The following PCBP2 variants were observed in gnomAD, a reference collection of about 807,000 sequenced individuals.
PCBP2 encodes poly(rC) binding protein 2.
A neutral mutation model predicts 50.1 loss-of-function variants in PCBP2; 4 were observed. The ratio of observed to expected loss-of-function variants is 0.08; its 90% CI spans 0.04 to 0.18. The LOEUF is 0.18. Ranked by LOEUF, PCBP2 falls within the 10% of genes least tolerant of loss-of-function variation. PCBP2 has a pLI of 1.00. For synonymous variants in PCBP2, 179 were observed against 168.0 expected (o/e 1.07, Z -0.51); for missense variants, 161 against 474.3 (o/e 0.34, Z 6.14).
chr12:53,455,813 A>G, intron 4 of PCBP2, 72 bp from the exon 5 acceptor site: 1 of 1,009,594 alleles, frequency 9.9e-7, no homozygotes, highest in African/African-American at 1.6e-5. Context: ...CAGTCTTATA[A>G]GGGACTGTAG....
At chr12:53,459,673 C>A in intron 6 of PCBP2, 1 of 250,848 alleles carries the variant, frequency 4.0e-6, no homozygotes, top group South Asian at 4.5e-5. Context: ...GGCAACTTTT[C>A]CATGAGGCTA....
intron 7 of PCBP2, among the ~76,000 whole-genome samples, chr12:53,461,801 T>C (rs1257653482): frequency 1.3e-5 from 2 of 152,116 alleles, no homozygotes; most frequent in Non-Finnish European, 2.9e-5. Context: ...CCTCTGCCTA[T>C]CAGGCTTAAG....
rs1425748220 is a variant in PCBP2, at chr12:53,471,823, C to G, written c.1052+16C>G. On this transcript the variant is annotated intron_variant, in intron 14 of 14. Coordinates refer to ENST00000546463, the MANE Select transcript of PCBP2 (RefSeq NM_031989.5). ...TCAATGTCAGGTAAGATTGCTCTAC[C>G]TTTTGTCTTATTTATGCCAACACAG... The G allele has an allele frequency of 6.2e-7, 1 of 1,605,924 alleles. No homozygotes were observed. The highest frequency in any genetic ancestry group is 1.7e-5 in the Admixed American group (1 of 59,504).
At chr12:53,454,645 A>G (rs1000006052) in intron 1 of PCBP2, 81 bp from the exon 2 acceptor site, 1 of 642,862 alleles carries the variant, frequency 1.6e-6, no homozygotes, top group South Asian at 1.8e-5. Flanking sequence ...AAAGTAGAAA[A>G]TATTGATAAG....
chr12:53,478,986 C>T (rs1049910095), intron 14 of PCBP2, among the ~76,000 whole-genome samples: 3 of 152,058 alleles, frequency 2.0e-5, no homozygotes, highest in African/African-American at 7.2e-5. Flanking sequence ...CTTGAGACTA[C>T]TCTCAGATGA....
chr12:53,466,958 CG>C (rs1941869186), intron 10 of PCBP2, among the ~76,000 whole-genome samples: 1 of 152,120 alleles, frequency 6.6e-6, no homozygotes, highest in Non-Finnish European at 1.5e-5. Context: ...GGGGGATGGT[CG>C]TTGGGCAAGT....
At chr12:53,464,643 G>A in intron 8 of PCBP2, 117 bp from the exon 9 acceptor site, 1 of 1,371,298 alleles carries the variant, frequency 7.3e-7, no homozygotes, top group Non-Finnish European at 9.8e-7. Context: ...TTGTGTCTGA[G>A]CTCCTTTTTA....
chr12:53,472,882 T>G (rs1293200680), intron 14 of PCBP2, among the ~76,000 whole-genome samples: 1 of 152,156 alleles, frequency 6.6e-6, no homozygotes. Flanking sequence ...TTCCTAGATT[T>G]GTTTTCTTGT....
rs185723419 is a variant in PCBP2 at position 53,453,561 on chromosome 12, G to A, written c.-75-1165G>A. ...GACACTTAAGCACCTAAGATATTTA[G>A]GGTATGGGCTTTGTGTTAGAGGAAA... On this transcript the variant is annotated intron_variant, in intron 1 of 14. Coordinates refer to ENST00000546463, the MANE Select transcript of PCBP2 (RefSeq NM_031989.5). Among the ~76,000 whole-genome samples, 251 of 152,314 alleles carry A rather than the reference G, an allele frequency of 1.6e-3. 2 individuals are homozygous for A. The highest frequency in any genetic ancestry group is 3.5e-3 in the South Asian group (17 of 4,832).
intron 2 of PCBP2, 66 bp downstream of exon 2, chr12:53,454,935 T>C: frequency 7.6e-7 from 1 of 1,319,526 alleles, no homozygotes; most frequent in Non-Finnish European, 1.1e-6. Flanking sequence ...AGAGCAGACA[T>C]GCATCTTGGA....
At chr12:53,470,301 T>C (rs1316986939) in intron 13 of PCBP2, among the ~76,000 whole-genome samples, 1 of 130,702 alleles carries the variant, frequency 7.7e-6, no homozygotes, top group East Asian at 2.5e-4. Flanking sequence ...CCCCTGAACC[T>C]GGGAGGCGGA....
chr12:53,473,979 TA>T (rs1264410777), intron 14 of PCBP2, among the ~76,000 whole-genome samples: 2 of 152,174 alleles, frequency 1.3e-5, no homozygotes, highest in Non-Finnish European at 2.9e-5. Flanking sequence ...CTTGAAGACT[TA>T]GCGTTGTGGG....
intron 8 of PCBP2, 164 bp from the exon 9 acceptor site, chr12:53,464,596 T>C: frequency 1.5e-6 from 1 of 663,474 alleles, no homozygotes; most frequent in South Asian, 2.4e-5. Context: ...ACTAGGTAAC[T>C]TTTTTTTTTA....
chr12:53,452,993 T>A (rs1940686417), intron 1 of PCBP2: 1 of 152,074 alleles, frequency 6.6e-6, no homozygotes, highest in East Asian at 1.9e-4. Flanking sequence ...ATTTTTAAAT[T>A]ACAAAATGCC....
At chr12:53,464,515 G>T (rs1041358410) in intron 8 of PCBP2, 7 of 459,514 alleles carry the variant, frequency 1.5e-5, no homozygotes, top group African/African-American at 1.4e-4. Context: ...ACCAGGAGCT[G>T]GCATCAGCTC....
At chr12:53,476,765 TA>T (rs1356303677) in intron 14 of PCBP2, among the ~76,000 whole-genome samples, 2 of 152,192 alleles carry the variant, frequency 1.3e-5, no homozygotes, top group African/African-American at 4.8e-5. Context: ...CAAGTATGCA[TA>T]AAGGATTAGA....
At chr12:53,465,184 C>G (rs1301655017) in intron 9 of PCBP2, 1 of 219,540 alleles carries the variant, frequency 4.6e-6, no homozygotes, top group African/African-American at 2.3e-5. Flanking sequence ...AACTTCACAT[C>G]CTGTTAACCA....
chr12:53,461,109 A>G lies in PCBP2; in HGVS notation c.470A>G (p.Glu157Gly). 1 of 1,614,078 alleles carries G rather than the reference A, an allele frequency of 6.2e-7. No homozygotes were observed. Among genetic ancestry groups the G allele is most frequent in the Non-Finnish European group, 8.5e-7 (1 of 1,179,966 alleles). Reference protein sequence around the residue: ...TIAGIPQSIIECVKQICVVML... With the variant: ...TIAGIPQSIIGCVKQICVVML... ...GCTGGCATTCCACAATCCATCATTG[A>G]GTGTGTCAAACAGATCTGCGTGGTC... is the stretch of plus-strand genomic sequence containing the variant. The change falls in exon 7 of 15, where the codon GAG (glutamate) becomes GGG (glycine). Residue 157 changes from glutamate (E) to glycine (G), a missense_variant. By Grantham distance (98) the Glu-to-Gly change is moderately conservative. Coordinates refer to ENST00000546463, the MANE Select transcript of PCBP2 (RefSeq NM_031989.5).
intron 12 of PCBP2, chr12:53,468,421 A>AT (rs1400281159): frequency 1.4e-5 from 4 of 281,326 alleles, no homozygotes; most frequent in Non-Finnish European, 2.7e-5. Flanking sequence ...GTGAGATACA[A>AT]TTTGGAACAC....
Sources: allele counts gnomAD v4.1 joint callset (sites outside exome capture counted in the v4.1 genomes callset), GRCh38; gene constraint gnomAD v4.1.1; transcripts MANE v1.5; gene names NCBI Gene and HGNC (gene_info 2026-07-23, HGNC 2026-07-21).